PRH1: variants seen among roughly 807,000 people sequenced by gnomAD.
PRH1 encodes the protein proline rich protein HaeIII subfamily 1, also known as salivary acidic proline-rich phosphoprotein 1/2.
In PRH1, 7 loss-of-function variants were observed where a neutral mutation model predicts 7.9. That is an observed-to-expected ratio of 0.89 (90% CI 0.50 to 1.67). PRH1 has a LOEUF of 1.67. Ranked by LOEUF, PRH1 falls within the 40% of genes most tolerant of loss-of-function variation. PRH1 has a pLI of 0.00. For synonymous variants in PRH1, 45 were observed against 80.8 expected (o/e 0.56, Z 2.38); for missense variants, 109 against 223.6 (o/e 0.49, Z 3.27).
chr12:11,011,836 C>T (rs1391975276), intron 1 of PRH1, among the ~76,000 whole-genome samples: 2 of 152,140 alleles, frequency 1.3e-5, no homozygotes, highest in African/African-American at 4.8e-5. Context: ...TTAACACAAA[C>T]TTATGTGCCC....
At chr12:10,978,100 C>A (rs1416628704) in intron 1 of PRH1, among the ~76,000 whole-genome samples, 2 of 148,314 alleles carry the variant, frequency 1.3e-5, no homozygotes, top group Non-Finnish European at 1.5e-5. Context: ...AAAGAAAGAG[C>A]CCAAATAGCC....
intron 2 of PRH1, among the ~76,000 whole-genome samples, chr12:10,903,931 CAAAAAA>C (rs546066515): frequency 2.6e-4 from 8 of 31,106 alleles, no homozygotes; most frequent in South Asian, 2.5e-3. Context: ...ACAATAGCCT[CAAAAAA>C]AAAAAAAAAA....
intron 1 of PRH1, among the ~76,000 whole-genome samples, chr12:11,091,136 ATATATATT>A (rs1489248638): frequency 1.1e-5 from 1 of 88,898 alleles, no homozygotes; most frequent in Non-Finnish European, 2.6e-5. Context: ...ATATATATAT[ATATATATT>A]TTCTAGACTG....
chr12:11,056,470 T>G (rs1014894346), intron 1 of PRH1, among the ~76,000 whole-genome samples: 3 of 152,180 alleles, frequency 2.0e-5, no homozygotes, highest in Non-Finnish European at 4.4e-5. Context: ...GATTCCCTGC[T>G]TGGTATAGCT....
At chr12:10,964,869 C>A in intron 2 of PRH1, 2 of 552,908 alleles carry the variant, frequency 3.6e-6, no homozygotes, top group Non-Finnish European at 6.7e-6. Context: ...TCCCAACTCA[C>A]GTTTCCTTCA....
intron 1 of PRH1, chr12:10,985,974 T>G: frequency 1.9e-6 from 3 of 1,611,486 alleles, no homozygotes; most frequent in Non-Finnish European, 2.5e-6. Context: ...GCACCTAATC[T>G]GACACAAAAT....
At chr12:10,884,597 CTGTGTA>C (rs2135782536), upstream of PRH1, among the ~76,000 whole-genome samples, 1 of 152,280 alleles carries the variant, frequency 6.6e-6, no homozygotes, top group South Asian at 2.1e-4. Context: ...CTTTTCATTT[CTGTGTA>C]TGTGAGTTTG....
upstream of PRH1, among the ~76,000 whole-genome samples, chr12:11,048,157 TG>T (rs1942980036): frequency 9.4e-6 from 1 of 106,702 alleles, no homozygotes; most frequent in Non-Finnish European, 2.1e-5. Context: ...TGTGTGTGTG[TG>T]TGTATAGATA....
At chr12:10,928,332 TG>T (rs1451705986) in intron 2 of PRH1, among the ~76,000 whole-genome samples, 1 of 152,188 alleles carries the variant, frequency 6.6e-6, no homozygotes, top group East Asian at 1.9e-4. Flanking sequence ...TATATAAGTA[TG>T]GCCACTTAGT....
rs796618561 is a variant in PRH1, at chr12:11,106,992, C to A, written n.124-59804G>T. Among the ~76,000 whole-genome samples the A allele has an allele frequency of 2.9e-4, 44 of 152,142 alleles. 1 individual carries two copies. Among genetic ancestry groups the A allele is most frequent in the African/African-American group, 1.1e-3 (44 of 41,518 alleles). Reference sequence around the variant, plus strand: ...GTGTTACTTGATACATAAAAGATAACCAGTGAGACCTTCTTTTTTGGGGTA... The same window carrying A: ...GTGTTACTTGATACATAAAAGATAAACAGTGAGACCTTCTTTTTTGGGGTA... On this transcript the variant is annotated intron_variant and non_coding_transcript_variant, in intron 1 of 4. Transcript: ENST00000541977.
chr12:11,139,296 G>A (rs1946641682), intron 1 of PRH1, among the ~76,000 whole-genome samples: 1 of 152,082 alleles, frequency 6.6e-6, no homozygotes, highest in East Asian at 1.9e-4. Context: ...ACCAAACCTT[G>A]GTCAGAAAAT....
chr12:11,139,894 C>T (rs532934551), intron 1 of PRH1, among the ~76,000 whole-genome samples: 2 of 152,054 alleles, frequency 1.3e-5, no homozygotes, highest in Admixed American at 1.3e-4. Context: ...TGTTTCATAT[C>T]CTTTCCAAAA....
intron 1 of PRH1, among the ~76,000 whole-genome samples, chr12:10,977,448 G>A (rs1263443725): frequency 6.6e-6 from 1 of 151,948 alleles, no homozygotes; most frequent in Non-Finnish European, 1.5e-5. Flanking sequence ...GACAAACAAA[G>A]CCACATCATA....
At chr12:10,902,384 C>T (rs1319041139) in intron 2 of PRH1, among the ~76,000 whole-genome samples, 1 of 152,042 alleles carries the variant, frequency 6.6e-6, no homozygotes, top group African/African-American at 2.4e-5. Context: ...AGCAACCAAA[C>T]TCATAAACTG....
chr12:10,988,056 T>A (rs1939739575), intron 1 of PRH1, among the ~76,000 whole-genome samples: 1 of 152,088 alleles, frequency 6.6e-6, no homozygotes, highest in South Asian at 2.1e-4. Context: ...AGAATGAGAA[T>A]GAAAACTAAT....
At chr12:10,942,245 T>G (rs1341290501) in intron 2 of PRH1, among the ~76,000 whole-genome samples, 1 of 152,156 alleles carries the variant, frequency 6.6e-6, no homozygotes, top group Non-Finnish European at 1.5e-5. Context: ...TGTGATAGTA[T>G]GAAGAGGCAC....
intron 2 of PRH1, among the ~76,000 whole-genome samples, chr12:10,966,358 T>C (rs1938498802): frequency 6.6e-6 from 1 of 152,234 alleles, no homozygotes; most frequent in Non-Finnish European, 1.5e-5. Flanking sequence ...TACACTCACA[T>C]AGCTTGCTTT....
intron 1 of PRH1, among the ~76,000 whole-genome samples, chr12:11,037,921 TG>T (rs1440164758): frequency 6.6e-6 from 1 of 152,178 alleles, no homozygotes; most frequent in Non-Finnish European, 1.5e-5. Context: ...GCACACCTGT[TG>T]TCCTAGATAT....
intron 1 of PRH1, among the ~76,000 whole-genome samples, chr12:11,122,142 T>C (rs1410876521): frequency 1.3e-5 from 2 of 151,910 alleles, no homozygotes; most frequent in East Asian, 1.9e-4. Flanking sequence ...AACAGGAAAT[T>C]AGTAGACTTT....
Sources: allele counts gnomAD v4.1 joint callset (sites outside exome capture counted in the v4.1 genomes callset), GRCh38; gene constraint gnomAD v4.1.1; transcripts MANE v1.5; gene names NCBI Gene and HGNC (gene_info 2026-07-23, HGNC 2026-07-21).